Variants in DOK6 observed in about 807,000 individuals in gnomAD.
DOK6 encodes downstream of tyrosine kinase 6.
DOK6 carries 22 observed loss-of-function variants against 44.0 expected under a neutral mutation model. The observed-to-expected ratio is 0.50, with a 90% CI of 0.36 to 0.71. The LOEUF is 0.71. Among genes scored for constraint, DOK6 ranks in the 30% least tolerant of loss-of-function variants. The pLI is 0.00. For synonymous variants in DOK6, 166 were observed against 145.5 expected (o/e 1.14, Z -1.01); for missense variants, 340 against 416.4 (o/e 0.82, Z 1.60).
chr18:69,707,132 C>T (rs922778347), intron 5 of DOK6, among the ~76,000 whole-genome samples: 4 of 152,208 alleles, frequency 2.6e-5, no homozygotes, highest in East Asian at 1.9e-4. Context: ...TTACAAGGGA[C>T]GTGAAGGACC....
intron 3 of DOK6, among the ~76,000 whole-genome samples, chr18:69,615,104 T>A (rs1269461750): frequency 6.6e-6 from 1 of 152,308 alleles, no homozygotes; most frequent in Admixed American, 6.5e-5. Context: ...AGTGTTATAG[T>A]CAAATATGAC....
intron 3 of DOK6, among the ~76,000 whole-genome samples, chr18:69,622,793 T>TA (rs1251394490): frequency 1.3e-5 from 2 of 152,326 alleles, no homozygotes; most frequent in East Asian, 3.9e-4. Flanking sequence ...TGTGAAACTT[T>TA]AAAACAATTA....
chr18:69,420,740 C>A (rs1978467703), intron 1 of DOK6, among the ~76,000 whole-genome samples: 1 of 152,148 alleles, frequency 6.6e-6, no homozygotes, highest in Non-Finnish European at 1.5e-5. Flanking sequence ...CCTGTTTCAA[C>A]CACTGCACAC....
intron 1 of DOK6, among the ~76,000 whole-genome samples, chr18:69,517,298 G>T (rs139815233): frequency 7.0e-4 from 106 of 152,186 alleles, no homozygotes; most frequent in Non-Finnish European, 1.3e-3. Flanking sequence ...ATATGACCAT[G>T]TGAAACCACC....
At chr18:69,705,615 G>C (rs1232858634) in intron 5 of DOK6, among the ~76,000 whole-genome samples, 1 of 152,132 alleles carries the variant, frequency 6.6e-6, no homozygotes, top group Non-Finnish European at 1.5e-5. Context: ...TAATTGTGGA[G>C]ATTACACTTA....
intron 7 of DOK6, among the ~76,000 whole-genome samples, chr18:69,760,311 A>T (rs1009936513): frequency 6.6e-6 from 1 of 152,206 alleles, no homozygotes; most frequent in Non-Finnish European, 1.5e-5. Context: ...ACGAACACGT[A>T]CGTTTTTCAC....
At chr18:69,451,256 G>C (rs1979457970) in intron 1 of DOK6, among the ~76,000 whole-genome samples, 1 of 139,158 alleles carries the variant, frequency 7.2e-6, no homozygotes, top group Non-Finnish European at 1.6e-5. Context: ...GGCAGGGGTT[G>C]CAATCCTAGT....
At chr18:69,469,981 AC>A in intron 1 of DOK6, 1 of 182,594 alleles carries the variant, frequency 5.5e-6, no homozygotes, top group South Asian at 8.4e-5. Flanking sequence ...GATCTCCCCT[AC>A]CCGCTGGGTA....
At chr18:69,401,479 G>C (rs1770744711) in intron 1 of DOK6, among the ~76,000 whole-genome samples, 169 bp downstream of exon 1, 1 of 151,966 alleles carries the variant, frequency 6.6e-6, no homozygotes, top group African/African-American at 2.4e-5. Context: ...CACACCTGCC[G>C]GGGGGCTCCG....
chr18:69,677,957 A>C, intron 4 of DOK6, 104 bp downstream of exon 4: 1 of 1,451,702 alleles, frequency 6.9e-7, no homozygotes, highest in East Asian at 2.6e-5. Context: ...CATATTTTTT[A>C]AATCAAAAAG....
intron 1 of DOK6, among the ~76,000 whole-genome samples, chr18:69,557,372 A>C (rs938875314): frequency 2.0e-5 from 3 of 152,206 alleles, no homozygotes; most frequent in Admixed American, 2.0e-4. Flanking sequence ...TCCTAGCTAA[A>C]TAACGTAATT....
chr18:69,535,985 G>T (rs1202646614), intron 1 of DOK6, among the ~76,000 whole-genome samples: 1 of 152,062 alleles, frequency 6.6e-6, no homozygotes, highest in African/African-American at 2.4e-5. Context: ...TGCCAAAAAA[G>T]TAAATAGAGA....
chr18:69,569,187 G>T (rs1194406398), intron 2 of DOK6, among the ~76,000 whole-genome samples: 3 of 152,090 alleles, frequency 2.0e-5, no homozygotes, highest in African/African-American at 7.2e-5. Flanking sequence ...AATCTAGGCT[G>T]CCAGAAAGGG....
At chr18:69,810,726 A>G (rs1021012175) in intron 7 of DOK6, among the ~76,000 whole-genome samples, 2 of 151,956 alleles carry the variant, frequency 1.3e-5, no homozygotes, top group Non-Finnish European at 2.9e-5. Context: ...CAACATCACT[A>G]ATTATCAAGG....
intron 3 of DOK6, among the ~76,000 whole-genome samples, chr18:69,640,129 G>A (rs1984905763): frequency 6.6e-6 from 1 of 152,230 alleles, no homozygotes; most frequent in Non-Finnish European, 1.5e-5. Flanking sequence ...ACAAAGGCTT[G>A]CGATGTCTCC....
intron 6 of DOK6, among the ~76,000 whole-genome samples, chr18:69,754,005 A>G (rs1449861150): frequency 6.6e-6 from 1 of 152,164 alleles, no homozygotes; most frequent in Non-Finnish European, 1.5e-5. Context: ...TGCCTTATAT[A>G]TTTTGTTGAT....
chr18:69,788,517 T>C (rs1329078349), intron 7 of DOK6, among the ~76,000 whole-genome samples: 1 of 152,046 alleles, frequency 6.6e-6, no homozygotes, highest in African/African-American at 2.4e-5. Flanking sequence ...AATTAAGGAG[T>C]AGGTGGAGAT....
chr18:69,721,828 ATAATT>A (rs1368710191), intron 5 of DOK6, among the ~76,000 whole-genome samples: 1 of 152,268 alleles, frequency 6.6e-6, no homozygotes, highest in Admixed American at 6.5e-5. Flanking sequence ...AAAAAAATAA[ATAATT>A]TAAACAGTGC....
At chr18:69,609,153 G>T (rs1984075333) in intron 3 of DOK6, among the ~76,000 whole-genome samples, 1 of 152,008 alleles carries the variant, frequency 6.6e-6, no homozygotes, top group Non-Finnish European at 1.5e-5. Context: ...TTGGCGAATG[G>T]AAATTGTGTC....
Sources: gnomAD v4.1 joint callset for allele counts (sites outside exome capture counted in the v4.1 genomes callset) on GRCh38, gnomAD v4.1.1 for gene constraint, MANE v1.5 for transcripts, NCBI Gene and HGNC (gene_info 2026-07-23, HGNC 2026-07-21) for gene names.